The following CACNB4 variants were observed in gnomAD, a reference collection of about 807,000 sequenced individuals.
CACNB4 encodes voltage-dependent L-type calcium channel subunit beta-4.
CACNB4 carries 32 observed loss-of-function variants against 71.2 expected under a neutral mutation model. That is an observed-to-expected ratio of 0.45 (90% CI 0.34 to 0.60). CACNB4 has a LOEUF of 0.60. Among genes scored for constraint, CACNB4 ranks in the 20% least tolerant of loss-of-function variants. The pLI is 0.01. For synonymous variants in CACNB4, 231 were observed against 236.9 expected (o/e 0.97, Z 0.23); for missense variants, 464 against 647.9 (o/e 0.72, Z 3.08).
At chr2:152,056,253 T>C (rs1399062265) in intron 2 of CACNB4, among the ~76,000 whole-genome samples, 4 of 150,844 alleles carry the variant, frequency 2.7e-5, no homozygotes, top group Non-Finnish European at 5.9e-5. Context: ...CCCAGCTACT[T>C]GGGAGGCTGA....
intron 2 of CACNB4, among the ~76,000 whole-genome samples, chr2:152,097,776 C>T (rs1332946056): frequency 2.0e-5 from 3 of 152,208 alleles, no homozygotes; most frequent in Non-Finnish European, 2.9e-5. Flanking sequence ...ATACAGCTGT[C>T]TTTCCCTAAC....
At chr2:151,977,449 T>G (rs529137295) in intron 2 of CACNB4, among the ~76,000 whole-genome samples, 1 of 152,344 alleles carries the variant, frequency 6.6e-6, no homozygotes, top group Admixed American at 6.5e-5. Context: ...CACATTATTT[T>G]CAGTTCTTTT....
At chr2:151,849,392 G>C (rs1317673880) in intron 12 of CACNB4, among the ~76,000 whole-genome samples, 1 of 152,068 alleles carries the variant, frequency 6.6e-6, no homozygotes, top group African/African-American at 2.4e-5. Flanking sequence ...CAAGGAGCTA[G>C]GACTATGCCC....
intron 2 of CACNB4, among the ~76,000 whole-genome samples, chr2:152,074,426 CCAT>C (rs1438028575): frequency 6.6e-6 from 1 of 151,716 alleles, no homozygotes; most frequent in African/African-American, 2.4e-5. Flanking sequence ...AGCACCACCA[CCAT>C]AACCATCACC....
chr2:151,886,611 G>A (rs1479577916), intron 2 of CACNB4, among the ~76,000 whole-genome samples: 2 of 152,082 alleles, frequency 1.3e-5, no homozygotes, highest in East Asian at 1.9e-4. Flanking sequence ...TAAGGATATT[G>A]GTAGAGGGAA....
chr2:151,870,739 C>T, intron 7 of CACNB4, 103 bp downstream of exon 7: 2 of 1,215,868 alleles, frequency 1.6e-6, no homozygotes, highest in Non-Finnish European at 2.4e-6. Flanking sequence ...ACCGAGGAGG[C>T]TCTTCCCTTA....
chr2:152,093,061 C>T (rs991052836), intron 2 of CACNB4, among the ~76,000 whole-genome samples: 5 of 152,050 alleles, frequency 3.3e-5, no homozygotes, highest in African/African-American at 1.2e-4. Context: ...GTAACTGAAA[C>T]CAGGGAATGC....
At chr2:152,019,401 T>C (rs1467789146) in intron 2 of CACNB4, among the ~76,000 whole-genome samples, 1 of 152,172 alleles carries the variant, frequency 6.6e-6, no homozygotes, top group Non-Finnish European at 1.5e-5. Flanking sequence ...ATAGATGAGA[T>C]AGCAAAATGA....
intron 2 of CACNB4, among the ~76,000 whole-genome samples, chr2:151,930,049 A>G (rs1024874606): frequency 1.3e-5 from 2 of 152,188 alleles, no homozygotes; most frequent in African/African-American, 4.8e-5. Context: ...AGACCAGGAA[A>G]ACTGTCAGGA....
intron 2 of CACNB4, among the ~76,000 whole-genome samples, chr2:152,000,608 T>C (rs768485894): frequency 2.6e-4 from 40 of 152,298 alleles, no homozygotes; most frequent in Middle Eastern, 3.4e-3. Flanking sequence ...CCTCTAAACC[T>C]GTTCCAACTC....
intron 2 of CACNB4, among the ~76,000 whole-genome samples, chr2:151,897,836 T>G (rs770397162): frequency 5.9e-5 from 9 of 152,342 alleles, no homozygotes; most frequent in South Asian, 4.1e-4. Context: ...ATGAAGATTA[T>G]GCACTCAGAA....
chr2:151,886,749 G>A (rs138921300), intron 2 of CACNB4, among the ~76,000 whole-genome samples: 250 of 152,228 alleles, frequency 1.6e-3, no homozygotes, highest in African/African-American at 5.8e-3. Flanking sequence ...ACATTCAAGA[G>A]CCCACATGTG....
intron 2 of CACNB4, among the ~76,000 whole-genome samples, chr2:152,077,584 G>A (rs1016023615): frequency 1.3e-5 from 2 of 151,914 alleles, no homozygotes; most frequent in African/African-American, 4.8e-5. Flanking sequence ...ACAAAAATGA[G>A]TCACACGTGG....
At position 151,870,917 on chromosome 2, in the gene CACNB4, A is replaced by G. The variant is rs2099844456; in HGVS notation, c.599-56T>C. ...ATATGTAAACTCTGCAAATGACAGT[A>G]CATGAGTTTAAAAGATGGAAGAATG... On this transcript the variant is annotated intron_variant, in intron 6 of 13. Transcript: ENST00000539935. The G allele has an allele frequency of 3.0e-5, 39 of 1,309,840 alleles. 1 individual carries two copies. The South Asian group carries it at 4.8e-4, about 16-fold the overall frequency. The allele number at this position is 1,309,840 out of a possible 1,614,324, so 81.1% of individuals were successfully genotyped here.
chr2:152,060,476 T>A (rs1685950577), intron 2 of CACNB4, among the ~76,000 whole-genome samples: 4 of 152,190 alleles, frequency 2.6e-5, no homozygotes, highest in Admixed American at 2.6e-4. Context: ...CTCTGATAAA[T>A]CCAATGTTAT....
At position 152,015,877 on chromosome 2, in the gene CACNB4, C is replaced by CA. The variant is rs1683316333; in HGVS notation, c.147+82452dup. Among the ~76,000 whole-genome samples the CA allele has an allele frequency of 3.9e-5, 6 of 152,318 alleles. No homozygotes were observed. The South Asian group carries it at 1.2e-3, about 32-fold the overall frequency. On this transcript the variant is annotated intron_variant, in intron 2 of 13. Coordinates refer to ENST00000539935, the MANE Select transcript of CACNB4 (RefSeq NM_000726.5). Reference sequence around the variant, plus strand: ...ACTTGGAACTGCCCACCCAGTTAGTCAATATCTGCAACAGACTTTGTCTTC... The same window carrying CA: ...ACTTGGAACTGCCCACCCAGTTAGTCAAATATCTGCAACAGACTTTGTCTTC...
At chr2:151,900,318 A>T (rs921192007) in intron 2 of CACNB4, among the ~76,000 whole-genome samples, 1 of 152,222 alleles carries the variant, frequency 6.6e-6, no homozygotes, top group Non-Finnish European at 1.5e-5. Context: ...CTGACTTTGG[A>T]GTTGCAAAAA....
chr2:152,042,780 T>C (rs746612771), intron 2 of CACNB4, among the ~76,000 whole-genome samples: 11 of 152,076 alleles, frequency 7.2e-5, no homozygotes, highest in Non-Finnish European at 1.3e-4. Context: ...GGCCGAGACC[T>C]ACTGGGCTGC....
At position 151,964,069 on chromosome 2, in the gene CACNB4, G is replaced by GAAAAAAAAAAA. The variant is rs397825547; in HGVS notation, c.148-80710_148-80700dup. On this transcript the variant is annotated intron_variant, in intron 2 of 13. Coordinates refer to ENST00000539935, the MANE Select transcript of CACNB4 (RefSeq NM_000726.5). Reference sequence around the variant, plus strand: ...GGCCAGAGCAAGACTCTGTCTCACAGAAAAAAAAAAAAAAAAAAAAAGAAT... The same window carrying GAAAAAAAAAAA: ...GGCCAGAGCAAGACTCTGTCTCACAGAAAAAAAAAAAAAAAAAAAAAAAAAAAAAAAAGAAT... Among the ~76,000 whole-genome samples the GAAAAAAAAAAA allele has an allele frequency of 3.0e-5, 3 of 99,266 alleles. 1 individual carries two copies. Among genetic ancestry groups the GAAAAAAAAAAA allele is most frequent in the Admixed American group, 1.3e-4 (1 of 7,684 alleles). 65.1% of individuals were successfully genotyped at this position (99,266 alleles called of 152,430 possible).
Sources: allele counts gnomAD v4.1 joint callset (sites outside exome capture counted in the v4.1 genomes callset), GRCh38; gene constraint gnomAD v4.1.1; transcripts MANE v1.5; gene names NCBI Gene and HGNC (gene_info 2026-07-23, HGNC 2026-07-21).